Variants in ZBTB20 observed in about 807,000 individuals in gnomAD.
The protein encoded by ZBTB20 is zinc finger and BTB domain containing 20.
Under a neutral mutation model 56.9 loss-of-function variants are expected in ZBTB20, and 9 were observed. That is an observed-to-expected ratio of 0.16 (90% CI 0.10 to 0.28). The LOEUF is 0.28. Among genes scored for constraint, ZBTB20 ranks in the 10% least tolerant of loss-of-function variants. The probability of loss-of-function intolerance (pLI) is 1.00; values close to 1 mark genes in which losing one functional copy is unlikely to be tolerated. For synonymous variants in ZBTB20, 417 were observed against 420.7 expected, an observed-to-expected ratio of 0.99 and a Z score of 0.11; for missense variants, 655 against 1,003.0, an observed-to-expected ratio of 0.65 and a Z score of 4.69.
intron 7 of ZBTB20, among the ~76,000 whole-genome samples, chr3:114,465,270 A>G (rs1390889868): frequency 6.6e-6 from 1 of 152,204 alleles, no homozygotes; most frequent in Non-Finnish European, 1.5e-5. Context: ...ACATTTCACT[A>G]CTGTATTAAA....
chr3:115,022,128 T>G (rs1378388541), intron 2 of ZBTB20, among the ~76,000 whole-genome samples: 2 of 150,560 alleles, frequency 1.3e-5, no homozygotes, highest in Non-Finnish European at 3.0e-5. Flanking sequence ...TTTTGAAAAT[T>G]TAGGATACGT....
At chr3:114,907,985 A>C (rs543840404) in intron 3 of ZBTB20, among the ~76,000 whole-genome samples, 1 of 151,994 alleles carries the variant, frequency 6.6e-6, no homozygotes. Context: ...AGATAGGGGG[A>C]CCAGCAAAGA....
chr3:114,741,693 G>A (rs2066592806), intron 5 of ZBTB20, among the ~76,000 whole-genome samples: 1 of 150,812 alleles, frequency 6.6e-6, no homozygotes, highest in Non-Finnish European at 1.5e-5. Flanking sequence ...GCCAAGATGG[G>A]GAAACCCCGT....
At chr3:114,648,964 T>C (rs2059988472) in intron 6 of ZBTB20, among the ~76,000 whole-genome samples, 1 of 152,074 alleles carries the variant, frequency 6.6e-6, no homozygotes, top group Non-Finnish European at 1.5e-5. Flanking sequence ...TTTAAGAAGT[T>C]GACCTATACG....
At position 115,045,380 on chromosome 3, in the gene ZBTB20, G is replaced by A. The variant is rs150162167; in HGVS notation, c.-507+25839C>T. 5.2e-3 allele frequency among the ~76,000 whole-genome samples: 790 copies of A among 151,996 alleles called. 8 individuals carry two copies. The highest frequency in any genetic ancestry group is 0.018 in the African/African-American group (731 of 41,476). On this transcript the variant is annotated intron_variant, in intron 2 of 11. Coordinates refer to ENST00000675478, the MANE Select transcript of ZBTB20 (RefSeq NM_001348800.3). ...TCTATATAATTTTCCCGTAGTGGCC[G>A]AATTTCCTAAAATAAGCATACATCA... is the stretch of plus-strand genomic sequence containing the variant.
chr3:114,768,011 G>A (rs1039789209), intron 5 of ZBTB20, among the ~76,000 whole-genome samples: 1 of 151,972 alleles, frequency 6.6e-6, no homozygotes, highest in African/African-American at 2.4e-5. Context: ...CATTTTCAAA[G>A]GGCTTATATA....
intron 2 of ZBTB20, among the ~76,000 whole-genome samples, chr3:114,995,865 TAA>T (rs1241924299): frequency 1.3e-5 from 2 of 151,896 alleles, no homozygotes; most frequent in East Asian, 1.9e-4. Flanking sequence ...AGATGTACAT[TAA>T]GTTTGTGTTA....
chr3:114,906,048 GTTTA>G (rs1286559358), intron 3 of ZBTB20, among the ~76,000 whole-genome samples: 1 of 151,718 alleles, frequency 6.6e-6, no homozygotes, highest in Non-Finnish European at 1.5e-5. Flanking sequence ...TGGCTTATGT[GTTTA>G]TTATCTCTTT....
chr3:114,822,191 T>A (rs1447241613), intron 4 of ZBTB20, among the ~76,000 whole-genome samples: 4 of 152,136 alleles, frequency 2.6e-5, no homozygotes, highest in Non-Finnish European at 4.4e-5. Context: ...ACAGAAGTTG[T>A]ATGGCACTTG....
At chr3:115,058,463 T>C (rs1046481742) in intron 2 of ZBTB20, among the ~76,000 whole-genome samples, 1 of 152,172 alleles carries the variant, frequency 6.6e-6, no homozygotes, top group African/African-American at 2.4e-5. Context: ...GCATGGTGGG[T>C]CATGCCTCTA....
chr3:114,482,894 T>A (rs986652934), intron 7 of ZBTB20, among the ~76,000 whole-genome samples: 1 of 152,178 alleles, frequency 6.6e-6, no homozygotes, highest in African/African-American at 2.4e-5. Context: ...TATTCACTCA[T>A]AATTATTTAT....
intron 6 of ZBTB20, among the ~76,000 whole-genome samples, chr3:114,619,551 C>T (rs985588505): frequency 6.6e-6 from 1 of 151,648 alleles, no homozygotes; most frequent in Admixed American, 6.6e-5. Flanking sequence ...CAGTTACTCT[C>T]TGGATGTGAT....
At chr3:115,027,261 C>G (rs375091424) in intron 2 of ZBTB20, among the ~76,000 whole-genome samples, 3 of 150,922 alleles carry the variant, frequency 2.0e-5, no homozygotes, top group East Asian at 3.9e-4. Context: ...CTTTCTGACA[C>G]AAGCTTAAAG....
intron 5 of ZBTB20, among the ~76,000 whole-genome samples, chr3:114,717,999 T>C (rs550590446): frequency 6.6e-6 from 1 of 152,294 alleles, no homozygotes; most frequent in African/African-American, 2.4e-5. Context: ...TATTTCTGAA[T>C]TGGGATAAAC....
chr3:115,079,613 C>T (rs1205978644), intron 1 of ZBTB20, among the ~76,000 whole-genome samples: 5 of 152,062 alleles, frequency 3.3e-5, no homozygotes, highest in African/African-American at 4.8e-5. Context: ...AGGCTGGTCT[C>T]GAACTCCTGA....
Position 114,883,919 on chromosome 3 carries a change from T to C in ZBTB20, c.-417+16385A>G, listed in dbSNP as rs1307324582. Among the ~76,000 whole-genome samples, 84 of 54,870 alleles carry C rather than the reference T, an allele frequency of 1.5e-3. 25 individuals are homozygous for C. The highest frequency in any genetic ancestry group is 8.2e-3 in the East Asian group (6 of 728). 36.0% of individuals were successfully genotyped at this position (54,870 alleles called of 152,430 possible). On this transcript the variant is annotated intron_variant, in intron 4 of 11. Coordinates refer to ENST00000675478, the MANE Select transcript of ZBTB20 (RefSeq NM_001348800.3). ...TAACTGGTAAGAATGGTGTGTTCTT[T>C]TTTTTTTTTTTTTTTTTTTTTTTTG...
intron 4 of ZBTB20, among the ~76,000 whole-genome samples, chr3:114,840,812 A>C (rs1363887772): frequency 1.3e-5 from 2 of 152,218 alleles, no homozygotes; most frequent in Non-Finnish European, 2.9e-5. Context: ...GGTATCTCTT[A>C]TTCTGGAATA....
chr3:114,630,269 C>T (rs975665297), intron 6 of ZBTB20, among the ~76,000 whole-genome samples: 2 of 152,192 alleles, frequency 1.3e-5, no homozygotes, highest in Admixed American at 6.5e-5. Context: ...GGACTCAAGA[C>T]AAAAATCTCC....
intron 6 of ZBTB20, among the ~76,000 whole-genome samples, chr3:114,612,850 T>C (rs1448054014): frequency 6.6e-6 from 1 of 152,208 alleles, no homozygotes; most frequent in African/African-American, 2.4e-5. Context: ...CACCATATAG[T>C]ATGCCGAATA....
Sources: allele counts gnomAD v4.1 joint callset (sites outside exome capture counted in the v4.1 genomes callset), GRCh38; gene constraint gnomAD v4.1.1; transcripts MANE v1.5; gene names NCBI Gene and HGNC (gene_info 2026-07-23, HGNC 2026-07-21).